The following KCNN2 variants were observed in gnomAD, a reference collection of about 807,000 sequenced individuals.
The protein encoded by KCNN2 is small conductance calcium-activated potassium channel protein 2.
A neutral mutation model predicts 55.5 loss-of-function variants in KCNN2; 24 were observed. That is an observed-to-expected ratio of 0.43 (90% CI 0.31 to 0.61). KCNN2 has a LOEUF of 0.61. KCNN2 is among the 20% of genes least tolerant of loss of function. KCNN2 has a pLI of 0.08. For synonymous variants in KCNN2, 431 were observed against 336.1 expected (o/e 1.28, Z -3.09); for missense variants, 754 against 853.6 (o/e 0.88, Z 1.45).
intron 1 of KCNN2, among the ~76,000 whole-genome samples, chr5:114,129,876 C>T (rs554566639): frequency 3.9e-4 from 59 of 152,236 alleles, no homozygotes; most frequent in African/African-American, 1.4e-3. Context: ...TGGTAGAATC[C>T]CTTCTTCTGT....
intron 2 of KCNN2, among the ~76,000 whole-genome samples, chr5:114,401,480 GTTTA>G (rs1758785537): frequency 6.6e-6 from 1 of 152,180 alleles, no homozygotes; most frequent in South Asian, 2.1e-4. Flanking sequence ...TAACAAGGAA[GTTTA>G]TTTATCAAGC....
chr5:114,216,569 G>T (rs1754005178), intron 1 of KCNN2, among the ~76,000 whole-genome samples: 1 of 152,034 alleles, frequency 6.6e-6, no homozygotes. Flanking sequence ...AATAGATACA[G>T]AAAAAGCATT....
intron 1 of KCNN2, among the ~76,000 whole-genome samples, chr5:114,168,659 G>A (rs1019244627): frequency 6.6e-6 from 1 of 152,114 alleles, no homozygotes; most frequent in African/African-American, 2.4e-5. Flanking sequence ...CTCAGTGTCA[G>A]TGGATTGGCA....
intron 3 of KCNN2, among the ~76,000 whole-genome samples, chr5:114,413,928 C>T (rs1759216528): frequency 6.6e-6 from 1 of 152,116 alleles, no homozygotes; most frequent in African/African-American, 2.4e-5. Context: ...GTAGCATTCT[C>T]ATGTAATTCA....
At position 114,496,232 on chromosome 5, in the gene KCNN2, A is replaced by G. The variant is rs529100164; in HGVS notation, c.*50A>G. Reference sequence around the variant, plus strand: ...AAGACTTTTTGCCATCATATGGTCAATATTTTAGCTTTTATTGTAAAGCCC... The same window carrying G: ...AAGACTTTTTGCCATCATATGGTCAGTATTTTAGCTTTTATTGTAAAGCCC... On this transcript the variant is annotated 3_prime_UTR_variant, in exon 8 of 8. Coordinates refer to ENST00000673685, the MANE Select transcript of KCNN2 (RefSeq NM_021614.4). 6.3e-6 allele frequency: 10 copies of G among 1,578,598 alleles called. No homozygotes were observed. The African/African-American group carries it at 8.1e-5, about 13-fold the overall frequency.
chr5:114,454,793 G>C (rs1391581191), intron 3 of KCNN2, among the ~76,000 whole-genome samples: 1 of 152,180 alleles, frequency 6.6e-6, no homozygotes, highest in Non-Finnish European at 1.5e-5. Context: ...CAGTTAATCA[G>C]TTCCCCTGGT....
chr5:114,120,549 G>T (rs1751806359), intron 1 of KCNN2, among the ~76,000 whole-genome samples: 1 of 152,110 alleles, frequency 6.6e-6, no homozygotes, highest in South Asian at 2.1e-4. Flanking sequence ...ACAAAGTATT[G>T]ATTGAGCACC....
intron 2 of KCNN2, among the ~76,000 whole-genome samples, chr5:114,278,108 C>G (rs567973660): frequency 2.0e-5 from 3 of 152,210 alleles, no homozygotes; most frequent in Non-Finnish European, 4.4e-5. Context: ...GTCCCCTCAG[C>G]TGCATGTCTG....
At chr5:114,343,918 C>T (rs1257812653) in intron 2 of KCNN2, among the ~76,000 whole-genome samples, 1 of 152,188 alleles carries the variant, frequency 6.6e-6, no homozygotes, top group Non-Finnish European at 1.5e-5. Flanking sequence ...AGGGGATTTT[C>T]TCTTCCTCGC....
intron 5 of KCNN2, among the ~76,000 whole-genome samples, chr5:114,475,109 G>A (rs1430594399): frequency 2.0e-5 from 3 of 152,052 alleles, no homozygotes; most frequent in African/African-American, 7.2e-5. Flanking sequence ...AAGACTTTGA[G>A]TACAAAATTT....
At chr5:114,418,488 C>T (rs1235948463) in intron 3 of KCNN2, among the ~76,000 whole-genome samples, 3 of 152,118 alleles carry the variant, frequency 2.0e-5, no homozygotes, top group East Asian at 1.9e-4. Context: ...GAGTTTTCTT[C>T]GTCTTTTATC....
At chr5:114,235,587 A>G (rs1264103385) in intron 2 of KCNN2, among the ~76,000 whole-genome samples, 1 of 152,220 alleles carries the variant, frequency 6.6e-6, no homozygotes, top group East Asian at 1.9e-4. Flanking sequence ...ATCCATTTAT[A>G]TTACCAACGT....
chr5:114,341,460 G>A (rs1757013041), intron 2 of KCNN2, among the ~76,000 whole-genome samples: 1 of 152,046 alleles, frequency 6.6e-6, no homozygotes, highest in African/African-American at 2.4e-5. Flanking sequence ...TAGGAGAAGG[G>A]GAAAATTAGG....
At chr5:114,309,056 GA>G (rs1298755487) in intron 2 of KCNN2, among the ~76,000 whole-genome samples, 4 of 152,316 alleles carry the variant, frequency 2.6e-5, no homozygotes, top group Admixed American at 1.3e-4. Context: ...TGAAGGAGCT[GA>G]AAATTAAATT....
At chr5:114,309,331 T>C (rs1285561607) in intron 2 of KCNN2, among the ~76,000 whole-genome samples, 1 of 152,166 alleles carries the variant, frequency 6.6e-6, no homozygotes, top group Non-Finnish European at 1.5e-5. Context: ...ATTCCAGCAT[T>C]CAGCTTTATT....
chr5:114,252,940 G>A (rs968948851), intron 2 of KCNN2, among the ~76,000 whole-genome samples: 1 of 152,050 alleles, frequency 6.6e-6, no homozygotes, highest in African/African-American at 2.4e-5. Context: ...AAGCAGCTTT[G>A]CTGTCACACC....
intron 1 of KCNN2, among the ~76,000 whole-genome samples, chr5:114,112,862 C>G (rs1304896840): frequency 6.6e-6 from 1 of 152,030 alleles, no homozygotes; most frequent in Non-Finnish European, 1.5e-5. Flanking sequence ...TTTCTACATG[C>G]TAATGGGATC....
intron 2 of KCNN2, among the ~76,000 whole-genome samples, chr5:114,244,061 T>C (rs12522077): frequency 0.4 from 60,069 of 152,034 alleles, 12,351 homozygotes; most frequent in Middle Eastern, 0.53. Context: ...TTTACTGATA[T>C]ATGAATGCAT....
At chr5:114,379,742 A>T (rs1245516345) in intron 2 of KCNN2, among the ~76,000 whole-genome samples, 1 of 128,486 alleles carries the variant, frequency 7.8e-6, no homozygotes, top group South Asian at 2.2e-4. Flanking sequence ...AGAATATATT[A>T]TATAACATAT....
Sources: allele counts gnomAD v4.1 joint callset (sites outside exome capture counted in the v4.1 genomes callset), GRCh38; gene constraint gnomAD v4.1.1; transcripts MANE v1.5; gene names NCBI Gene and HGNC (gene_info 2026-07-23, HGNC 2026-07-21).